Variants in ZNF365 observed in about 807,000 individuals in gnomAD.
ZNF365 encodes zinc finger protein 365, also known as protein ZNF365.
Under a neutral mutation model 35.0 loss-of-function variants are expected in ZNF365, and 22 were observed. That is an observed-to-expected ratio of 0.63 (90% confidence interval 0.45 to 0.90). The LOEUF is 0.90. ZNF365 is among the 40% of genes least tolerant of loss of function. ZNF365 has a pLI of 0.00. For missense variants in ZNF365, 448 were observed against 500.3 expected (o/e 0.90, Z 1.00); for synonymous variants, 188 against 196.2 (o/e 0.96, Z 0.35).
rs138455292 is a variant in ZNF365 at position 62,441,785 on chromosome 10, T to C, written c.925-17956T>C. Among the ~76,000 whole-genome samples, 7 of 152,284 alleles carry C rather than the reference T, an allele frequency of 4.6e-5. No homozygotes were observed. In the East Asian group the frequency reaches 1.3e-3, roughly 29 times the overall value. ...TACATGTTTAATATATGCTTGTGAA[T>C]TGAATCGAAGAAAGTTTGAGATACT... On this transcript the variant is annotated intron_variant, in intron 3 of 4. Transcript: ENST00000395255.
chr10:62,381,560 T>C (rs1246763660), intron 2 of ZNF365, among the ~76,000 whole-genome samples: 1 of 152,148 alleles, frequency 6.6e-6, no homozygotes, highest in Non-Finnish European at 1.5e-5. Context: ...GGCTTGCTTC[T>C]TTGCTATTTT....
In ZNF365 at chr10:62,376,834, G is replaced by A. The variant is rs776084132; in HGVS notation, c.641G>A (p.Arg214Gln). Residue 214 changes from arginine to glutamine, a missense_variant, in exon 2 of 5, where the codon CGA (arginine) becomes CAA (glutamine). Around this residue, in one of 3 missense-constraint regions of ZNF365, gnomAD observed 362 missense variants for 375.7 expected, o/e 0.96. Coordinates refer to ENST00000395254, the MANE Select transcript of ZNF365 (RefSeq NM_014951.3). The stretch of plus-strand genomic sequence containing the variant: ...CAGAAAAAGCAGGAAGTTCAGAGAC[G>A]AGAGCGGGCCTTAAACAGACAGGTG... ...LTQKKQEVQR[R>Q]ERALNRQVDV... 2.2e-5 allele frequency: 36 copies of A among 1,614,072 alleles called. No individual in the cohort carries two copies. Among genetic ancestry groups the A allele is most frequent in the Non-Finnish European group, 3.0e-5 (35 of 1,180,046 alleles).
chr10:62,401,487 G>C lies in ZNF365; in HGVS notation c.*1698G>C, dbSNP rs202164670. 8.3e-5 allele frequency: 9 copies of C among 108,286 alleles called. No homozygotes were observed. The highest frequency in any genetic ancestry group is 3.3e-3 in the Middle Eastern group (1 of 300). The allele number at this position is 108,286 out of a possible 1,614,324, so 6.7% of individuals were successfully genotyped here. On this transcript the variant is annotated 3_prime_UTR_variant, in exon 5 of 5. Coordinates refer to ENST00000395254, the MANE Select transcript of ZNF365 (RefSeq NM_014951.3). ...ATCTTCACTTTGACTTTCAGTTTAT[G>C]GGGGGGGTAGATCATTCATGTGATA...
intron 4 of ZNF365, among the ~76,000 whole-genome samples, chr10:62,474,851 G>T (rs1184105855): frequency 2.0e-5 from 3 of 152,174 alleles, no homozygotes; most frequent in African/African-American, 7.2e-5. Context: ...CAGTTCACAT[G>T]GTCTTGTCTC....
chr10:62,412,653 C>A (rs532908174), intron 3 of ZNF365, among the ~76,000 whole-genome samples: 1 of 152,088 alleles, frequency 6.6e-6, no homozygotes, highest in African/African-American at 2.4e-5. Flanking sequence ...AGCAGAGAGC[C>A]AAATCATGAA....
intron 1 of ZNF365, chr10:62,375,956 G>A: frequency 2.0e-6 from 1 of 512,384 alleles, no homozygotes. Context: ...TGCCATTGTG[G>A]TTTACAATAA....
intron 3 of ZNF365, among the ~76,000 whole-genome samples, chr10:62,413,536 A>G (rs1179161553): frequency 6.6e-6 from 1 of 152,012 alleles, no homozygotes; most frequent in African/African-American, 2.4e-5. Flanking sequence ...AAAACTTTTG[A>G]CCCTCTGTCT....
intron 3 of ZNF365, among the ~76,000 whole-genome samples, chr10:62,413,854 G>T (rs1840028718): frequency 1.3e-5 from 2 of 152,028 alleles, no homozygotes; most frequent in Admixed American, 6.6e-5. Flanking sequence ...CAAAACTTCT[G>T]AATCATTCTT....
chr10:62,450,586 C>A (rs1370402178), intron 3 of ZNF365, among the ~76,000 whole-genome samples: 1 of 152,178 alleles, frequency 6.6e-6, no homozygotes, highest in Non-Finnish European at 1.5e-5. Flanking sequence ...ATGCAGCTAA[C>A]CCCTATTCCT....
intron 4 of ZNF365, among the ~76,000 whole-genome samples, chr10:62,464,857 C>T (rs966629845): frequency 6.6e-6 from 1 of 152,212 alleles, no homozygotes; most frequent in Non-Finnish European, 1.5e-5. Flanking sequence ...GTGGCGGTGG[C>T]CCATCTGGAG....
chr10:62,465,611 C>T (rs142326761), intron 4 of ZNF365, among the ~76,000 whole-genome samples: 18 of 152,294 alleles, frequency 1.2e-4, no homozygotes, highest in Non-Finnish European at 1.8e-4. Flanking sequence ...CTCAGCTAGA[C>T]TCAGACACTC....
At chr10:62,438,038 T>C (rs1197429318) in intron 3 of ZNF365, among the ~76,000 whole-genome samples, 2 of 152,192 alleles carry the variant, frequency 1.3e-5, no homozygotes, top group African/African-American at 4.8e-5. Context: ...TAACTGTGTA[T>C]GGGAAATTAG....
chr10:62,445,242 G>T (rs200043191), intron 3 of ZNF365, among the ~76,000 whole-genome samples: 175 of 134,908 alleles, frequency 1.3e-3, no homozygotes, highest in South Asian at 2.7e-3. Context: ...ACATACATGT[G>T]CATGTGTCTT....
intron 3 of ZNF365, among the ~76,000 whole-genome samples, chr10:62,435,194 A>G (rs1462492656): frequency 6.6e-6 from 1 of 152,196 alleles, no homozygotes; most frequent in African/African-American, 2.4e-5. Context: ...TTTAGACATG[A>G]TCTTCTTCAC....
chr10:62,423,766 G>A (rs548526539), intron 3 of ZNF365, among the ~76,000 whole-genome samples: 1 of 152,196 alleles, frequency 6.6e-6, no homozygotes, highest in East Asian at 1.9e-4. Context: ...AATCCAATTA[G>A]GACTAATAAA....
intron 3 of ZNF365, among the ~76,000 whole-genome samples, chr10:62,439,952 T>C (rs1057038695): frequency 3.3e-5 from 5 of 152,196 alleles, no homozygotes; most frequent in African/African-American, 9.6e-5. Flanking sequence ...TAAATAAACA[T>C]GTGCAATCTG....
At chr10:62,432,841 C>A (rs1421700783) in intron 3 of ZNF365, among the ~76,000 whole-genome samples, 2 of 152,156 alleles carry the variant, frequency 1.3e-5, no homozygotes, top group African/African-American at 4.8e-5. Flanking sequence ...AAGAAGACCA[C>A]TTCTTTATCT....
At chr10:62,396,327 C>T (rs1365816103) in intron 3 of ZNF365, among the ~76,000 whole-genome samples, 1 of 152,112 alleles carries the variant, frequency 6.6e-6, no homozygotes, top group Non-Finnish European at 1.5e-5. Context: ...GATTTGAAGC[C>T]CAGCCCGAAC....
intron 2 of ZNF365, 55 bp downstream of exon 2, chr10:62,376,991 CG>C: frequency 6.5e-7 from 1 of 1,547,026 alleles, no homozygotes; most frequent in Non-Finnish European, 8.7e-7. Context: ...GCACCCCAAT[CG>C]CCTTACAAGC....
Sources: allele counts gnomAD v4.1 joint callset (sites outside exome capture counted in the v4.1 genomes callset), GRCh38; gene constraint gnomAD v4.1.1; regional missense constraint gnomAD v4.1.1; transcripts MANE v1.5; gene names NCBI Gene and HGNC (gene_info 2026-07-23, HGNC 2026-07-21).